The following CRYBG1 variants were observed in gnomAD, a reference collection of about 807,000 sequenced individuals.
CRYBG1 encodes the protein beta/gamma crystallin domain-containing protein 1.
CRYBG1 carries 139 observed loss-of-function variants against 189.2 expected under a neutral mutation model. The ratio of observed to expected loss-of-function variants is 0.73; its 90% confidence interval spans 0.64 to 0.85. The LOEUF (loss-of-function observed/expected upper bound fraction) is 0.85. Among genes scored for constraint, CRYBG1 ranks in the 40% least tolerant of loss-of-function variants. CRYBG1 has a pLI of 0.00. For synonymous variants in CRYBG1, 1,023 were observed against 1,017.1 expected (o/e 1.01, Z -0.11); for missense variants, 2,611 against 2,675.8 (o/e 0.98, Z 0.53).
rs748506044 is a variant in CRYBG1 at position 106,361,060 on chromosome 6, C to T, written c.152C>T (p.Pro51Leu). 3.9e-6 allele frequency: 6 copies of T among 1,535,056 alleles called. No homozygotes were observed. In the South Asian group the frequency reaches 6.0e-5, roughly 15 times the overall value. Residue 51 changes from proline (P) to leucine (L), a missense_variant, in exon 1 of 22, where the codon CCG (proline) becomes CTG (leucine). Pro to Leu is a moderately conservative substitution (Grantham distance 98). Around this residue, in one of 3 missense-constraint regions of CRYBG1, gnomAD observed 985 missense variants for 924.4 expected, o/e 1.07. Coordinates refer to ENST00000633556, the MANE Select transcript of CRYBG1 (RefSeq NM_001371242.2). Reference protein sequence around the residue: ...DCGVFVPHPLPAPAGEARALD... With the variant: ...DCGVFVPHPLLAPAGEARALD... ...GGGGTGTTCGTTCCGCACCCGCTCC[C>T]GGCGCCTGCCGGAGAGGCCAGGTGA...
chr6:106,471,129 C>A (rs997830152), intron 2 of CRYBG1, among the ~76,000 whole-genome samples: 1 of 152,132 alleles, frequency 6.6e-6, no homozygotes, highest in Non-Finnish European at 1.5e-5. Context: ...GACTGTGGAG[C>A]TCAATGAGGA....
intron 1 of CRYBG1, among the ~76,000 whole-genome samples, chr6:106,424,651 G>T (rs369168172): frequency 1.3e-5 from 2 of 151,900 alleles, no homozygotes; most frequent in Non-Finnish European, 2.9e-5. Context: ...TAGTAGAGAC[G>T]GGGTTTCACC....
intron 2 of CRYBG1, among the ~76,000 whole-genome samples, chr6:106,486,085 A>G (rs1772587465): frequency 6.6e-6 from 1 of 151,896 alleles, no homozygotes; most frequent in African/African-American, 2.4e-5. Flanking sequence ...TTTTTGTTGT[A>G]GGTGTTTGTT....
intron 2 of CRYBG1, among the ~76,000 whole-genome samples, chr6:106,459,317 T>A (rs1309627906): frequency 2.6e-5 from 4 of 152,198 alleles, no homozygotes; most frequent in Non-Finnish European, 5.9e-5. Context: ...ATTAGAAGGC[T>A]TTATCTGTTG....
At chr6:106,377,649 T>TATATATATATATATATA (rs1311795670) in intron 1 of CRYBG1, among the ~76,000 whole-genome samples, 1 of 129,918 alleles carries the variant, frequency 7.7e-6, no homozygotes, top group African/African-American at 3.8e-5. Flanking sequence ...ATATATATAT[T>TATATATATATATATATA]TTCATTTGCA....
At chr6:106,427,691 A>C (rs1268777857) in intron 1 of CRYBG1, among the ~76,000 whole-genome samples, 1 of 152,162 alleles carries the variant, frequency 6.6e-6, no homozygotes, top group Admixed American at 6.6e-5. Context: ...TAATTAAAAA[A>C]CATTTTTTTC....
rs145609128 is a variant in CRYBG1 at position 106,555,898 on chromosome 6, G to A, written c.5715+1G>A. On this transcript the variant is annotated splice_donor_variant, in intron 17 of 21. Transcript: ENST00000633556. LOFTEE classifies it high-confidence loss of function. ...CAAGTCTCTTCGTTTTATAGATGTT[G>A]TAAGTATGTCATTGTGAATAGTGTT... 6.2e-7 allele frequency: 1 copy of A among 1,614,050 alleles called. No individual in the cohort carries two copies. The highest frequency in any genetic ancestry group is 2.2e-5 in the East Asian group (1 of 44,900).
At chr6:106,496,274 C>A (rs1375998329) in intron 2 of CRYBG1, among the ~76,000 whole-genome samples, 2 of 152,218 alleles carry the variant, frequency 1.3e-5, no homozygotes, top group Non-Finnish European at 2.9e-5. Context: ...CCAGTTTGGT[C>A]ATAGAGGCAT....
Position 106,512,167 on chromosome 6 carries a change from C to T in CRYBG1, c.1050C>T (p.Gly350=). 6.5e-6 allele frequency: 10 copies of T among 1,534,456 alleles called. No individual in the cohort carries two copies. Among genetic ancestry groups the T allele is most frequent in the Non-Finnish European group, 8.7e-6 (10 of 1,145,916 alleles). ...SDLPGEPPAE[G]AAHTASSAQA... is the part of the protein sequence containing the mutation. ...TGCCAGGTGAGCCTCCGGCCGAGGGCGCAGCGCACACGGCCAGCTCCGCGC... is the reference window on the plus strand; with the variant it reads ...TGCCAGGTGAGCCTCCGGCCGAGGGTGCAGCGCACACGGCCAGCTCCGCGC... The change falls in exon 3 of 22, where the codon GGC becomes GGT. Residue 350 remains glycine (G), a synonymous_variant. Transcript: ENST00000633556.
At chr6:106,529,622 G>A (rs181825862) in intron 7 of CRYBG1, among the ~76,000 whole-genome samples, 206 of 152,280 alleles carry the variant, frequency 1.4e-3, no homozygotes, top group African/African-American at 4.8e-3. Context: ...CAGATATGCG[G>A]GGCATGGAAC....
intron 8 of CRYBG1, among the ~76,000 whole-genome samples, chr6:106,537,823 C>T (rs1364887262): frequency 6.6e-6 from 1 of 152,178 alleles, no homozygotes; most frequent in East Asian, 1.9e-4. Context: ...CACCTGGCCT[C>T]CCAACATTCT....
intron 6 of CRYBG1, 139 bp downstream of exon 6, chr6:106,525,525 G>T: frequency 1.4e-6 from 1 of 700,480 alleles, no homozygotes. Context: ...GGTAAGATAA[G>T]GGATTCATAT....
chr6:106,497,338 G>A (rs1367846710), intron 2 of CRYBG1, among the ~76,000 whole-genome samples: 1 of 152,192 alleles, frequency 6.6e-6, no homozygotes, highest in African/African-American at 2.4e-5. Context: ...TCACCCCAAC[G>A]AGAGGAAGTG....
rs191549725 is a variant in CRYBG1, at chr6:106,466,973, G to T, written c.312+15141G>T. Among the ~76,000 whole-genome samples the T allele has an allele frequency of 1.2e-3, 187 of 152,274 alleles. 1 individual carries two copies. Among genetic ancestry groups the T allele is most frequent in the African/African-American group, 4.3e-3 (180 of 41,548 alleles). ...TGGGTATAGAGAAATAAAAAGCTTT[G>T]AAAGCAGATGGGAACTGAAATCTCA... On this transcript the variant is annotated intron_variant, in intron 2 of 21. Coordinates refer to ENST00000633556, the MANE Select transcript of CRYBG1 (RefSeq NM_001371242.2).
At chr6:106,561,213 C>CT in intron 19 of CRYBG1, 129 bp from the exon 20 acceptor site, 1 of 1,127,834 alleles carries the variant, frequency 8.9e-7, no homozygotes, top group Admixed American at 2.7e-5. Flanking sequence ...TTTAAAACCT[C>CT]TGAGACTCTT....
At chr6:106,543,293 G>A (rs1376291838) in intron 10 of CRYBG1, 147 bp from the exon 11 acceptor site, 2 of 693,408 alleles carry the variant, frequency 2.9e-6, no homozygotes, top group Admixed American at 5.8e-5. Flanking sequence ...GCCTCGCAAA[G>A]TGCTGGGATA....
intron 2 of CRYBG1, among the ~76,000 whole-genome samples, chr6:106,506,382 A>G (rs927799652): frequency 6.6e-6 from 1 of 151,772 alleles, no homozygotes; most frequent in African/African-American, 2.4e-5. Context: ...ACATAGGAAA[A>G]CTTATTTATT....
At chr6:106,408,535 A>G (rs1370339619) in intron 1 of CRYBG1, among the ~76,000 whole-genome samples, 1 of 152,220 alleles carries the variant, frequency 6.6e-6, no homozygotes, top group Non-Finnish European at 1.5e-5. Flanking sequence ...GGTCAGCATC[A>G]TCCTGATACC....
At chr6:106,567,315 A>C (rs1398707651) in intron 21 of CRYBG1, among the ~76,000 whole-genome samples, 1 of 152,198 alleles carries the variant, frequency 6.6e-6, no homozygotes, top group Non-Finnish European at 1.5e-5. Flanking sequence ...ATAAAGGCCC[A>C]AAACACCTTA....
Sources: gnomAD v4.1 joint callset for allele counts (sites outside exome capture counted in the v4.1 genomes callset) on GRCh38, gnomAD v4.1.1 for gene constraint, gnomAD v4.1.1 regional missense constraint, MANE v1.5 for transcripts, NCBI Gene and HGNC (gene_info 2026-07-23, HGNC 2026-07-21) for gene names.